The following TMEM267 variants were observed in gnomAD, a reference collection of about 807,000 sequenced individuals.
The protein encoded by TMEM267 is transmembrane protein 267.
Under a neutral mutation model 19.3 loss-of-function variants are expected in TMEM267, and 20 were observed. The observed-to-expected ratio is 1.04, with a 90% CI of 0.73 to 1.51. The LOEUF is 1.51. TMEM267 is among the 40% of genes most tolerant of loss of function. The probability of loss-of-function intolerance (pLI) is 0.00; values close to 1 mark genes in which losing one functional copy is unlikely to be tolerated. For synonymous variants in TMEM267, 88 were observed against 90.3 expected, an observed-to-expected ratio of 0.97 and a Z score of 0.15; for missense variants, 242 against 261.9, an observed-to-expected ratio of 0.92 and a Z score of 0.52.
At position 43,444,811 on chromosome 5, in the gene TMEM267, GA is replaced by G. The variant is rs1040853405; in HGVS notation, c.*1410del. The G allele has an allele frequency of 6.6e-6, 1 of 151,496 alleles. No individual in the cohort carries two copies. The highest frequency in any genetic ancestry group is 6.6e-5 in the Admixed American group (1 of 15,210). 9.4% of individuals were successfully genotyped at this position (151,496 alleles called of 1,614,324 possible). A position where few individuals can be genotyped will look rare whatever the true frequency, so the allele number is the denominator to read the frequency against. On this transcript the variant is annotated 3_prime_UTR_variant, in exon 3 of 3. Transcript: ENST00000397080. ...CCAAACTTATACAATAATTACTCTT[GA>G]AAAATAAGTAGACTGTAATATCTAA...
At chr5:43,463,880 T>C (rs1029705470) in intron 1 of TMEM267, among the ~76,000 whole-genome samples, 1 of 152,180 alleles carries the variant, frequency 6.6e-6, no homozygotes, top group Non-Finnish European at 1.5e-5. Flanking sequence ...AAGCATTCCC[T>C]TTGAAAACTG....
intron 2 of TMEM267, among the ~76,000 whole-genome samples, chr5:43,448,738 T>C (rs1742400641): frequency 6.6e-6 from 1 of 151,906 alleles, no homozygotes. Context: ...ATCATACCGT[T>C]GCACTCCAGC....
At chr5:43,469,764 G>C (rs1482044860) in intron 1 of TMEM267, among the ~76,000 whole-genome samples, 1 of 152,148 alleles carries the variant, frequency 6.6e-6, no homozygotes, top group African/African-American at 2.4e-5. Flanking sequence ...TCTCAAATAA[G>C]ATAGCTACAA....
chr5:43,446,084 C>T lies in TMEM267; in HGVS notation c.*138G>A, dbSNP rs190678138. The T allele has an allele frequency of 9.3e-4, 525 of 563,020 alleles. 10 individuals carry two copies. The Admixed American group carries it at 0.016, about 18-fold the overall frequency. 34.9% of individuals were successfully genotyped at this position (563,020 alleles called of 1,614,324 possible). A position where few individuals can be genotyped will look rare whatever the true frequency, so the allele number is the denominator to read the frequency against. ...ATTTTTAAAAAAGTTGTATACACTT[C>T]CTGAGCAAGAGGATTGCAGAATTAT... On this transcript the variant is annotated 3_prime_UTR_variant, in exon 3 of 3. Coordinates refer to ENST00000397080, the MANE Select transcript of TMEM267 (RefSeq NM_022483.5).
intron 2 of TMEM267, among the ~76,000 whole-genome samples, chr5:43,448,911 A>T (rs1187774937): frequency 3.9e-5 from 6 of 152,098 alleles, no homozygotes; most frequent in African/African-American, 1.4e-4. Context: ...AAGTACGTTA[A>T]ATCTCAAACA....
intron 1 of TMEM267, among the ~76,000 whole-genome samples, chr5:43,465,268 C>A (rs900665374): frequency 6.6e-6 from 1 of 152,194 alleles, no homozygotes; most frequent in Non-Finnish European, 1.5e-5. Flanking sequence ...TACCATCTCA[C>A]ACCAGTTAGA....
chr5:43,460,078 T>C (rs1743171997), intron 1 of TMEM267, among the ~76,000 whole-genome samples: 1 of 152,224 alleles, frequency 6.6e-6, no homozygotes, highest in Non-Finnish European at 1.5e-5. Context: ...AAGAAGCACG[T>C]GACCTAGAAC....
intron 1 of TMEM267, among the ~76,000 whole-genome samples, chr5:43,468,958 T>C (rs1005561882): frequency 1.3e-5 from 2 of 152,160 alleles, no homozygotes; most frequent in Non-Finnish European, 2.9e-5. Context: ...TAAAACAATA[T>C]TCTCCTGAAT....
intron 1 of TMEM267, among the ~76,000 whole-genome samples, chr5:43,461,482 T>G (rs1157065444): frequency 6.6e-6 from 1 of 152,114 alleles, no homozygotes; most frequent in Non-Finnish European, 1.5e-5. Flanking sequence ...CCAAGTGAGC[T>G]CTTGGGGTCC....
intron 1 of TMEM267, among the ~76,000 whole-genome samples, chr5:43,462,118 G>A (rs1467502516): frequency 2.0e-5 from 3 of 152,210 alleles, no homozygotes; most frequent in Admixed American, 2.0e-4. Flanking sequence ...GGAAAGTAAA[G>A]GAAGAGAACA....
At chr5:43,478,004 T>C (rs1020464209) in intron 1 of TMEM267, among the ~76,000 whole-genome samples, 2 of 152,228 alleles carry the variant, frequency 1.3e-5, no homozygotes, top group African/African-American at 4.8e-5. Context: ...GATGGGTTTA[T>C]CAGGACATGG....
At chr5:43,474,597 T>A (rs1297227550) in intron 1 of TMEM267, among the ~76,000 whole-genome samples, 1 of 151,884 alleles carries the variant, frequency 6.6e-6, no homozygotes, top group African/African-American at 2.4e-5. Flanking sequence ...CCATCTCTAC[T>A]AAAAATACAA....
chr5:43,446,244 T>C lies in TMEM267; in HGVS notation c.626A>G (p.His209Arg), dbSNP rs919749378. Residue 209 changes from histidine to arginine, a missense_variant, in exon 3 of 3, where the codon CAT becomes CGT. His to Arg is a conservative substitution (Grantham distance 29). Transcript: ENST00000397080. ...TGTRQMMSSK[H>R]GVRIDV ...ACCTCAGACATCAATACGAACTCCA[T>C]GTTTTGAAGACATCATTTGTCTGGT... is the stretch of plus-strand genomic sequence containing the variant. The C allele has an allele frequency of 3.7e-6, 6 of 1,611,268 alleles. No homozygotes were observed. Among genetic ancestry groups the C allele is most frequent in the Non-Finnish European group, 4.2e-6 (5 of 1,177,632 alleles).
intron 2 of TMEM267, among the ~76,000 whole-genome samples, chr5:43,447,999 T>G (rs1000004093): frequency 1.3e-5 from 2 of 151,980 alleles, no homozygotes; most frequent in African/African-American, 4.8e-5. Context: ...AAAGAAGTAG[T>G]AAAAGGAAGA....
At chr5:43,465,399 G>T (rs1579811117) in intron 1 of TMEM267, among the ~76,000 whole-genome samples, 2 of 152,244 alleles carry the variant, frequency 1.3e-5, no homozygotes, top group Non-Finnish European at 2.9e-5. Flanking sequence ...GTGGAAGTCA[G>T]TGTGGCGATT....
In TMEM267 at chr5:43,463,833, C is replaced by T. The variant is rs564139735; in HGVS notation, c.-74-9790G>A. ...AATAATCAGAGCTATCTATGACAAACGCACAGCCAATATCATACGGAATGG... is the reference window on the plus strand; with the variant it reads ...AATAATCAGAGCTATCTATGACAAATGCACAGCCAATATCATACGGAATGG... On this transcript the variant is annotated intron_variant, in intron 1 of 2. Transcript: ENST00000397080. 5.0e-4 allele frequency among the ~76,000 whole-genome samples: 76 copies of T among 152,262 alleles called. No individual in the cohort carries two copies. The East Asian group carries it at 7.1e-3, about 14-fold the overall frequency.
intron 1 of TMEM267, among the ~76,000 whole-genome samples, chr5:43,464,842 C>G (rs1743537811): frequency 6.6e-6 from 1 of 152,138 alleles, no homozygotes; most frequent in Admixed American, 6.6e-5. Context: ...AGACCAAAAA[C>G]CATAAAAACC....
Position 43,446,346 on chromosome 5 carries a change from G to A in TMEM267, c.524C>T (p.Pro175Leu), listed in dbSNP as rs1742236495. 1 of 1,613,986 alleles carries A rather than the reference G, an allele frequency of 6.2e-7. No individual in the cohort carries two copies. The highest frequency in any genetic ancestry group is 1.1e-5 in the South Asian group (1 of 91,070). The change falls in exon 3 of 3, where the codon CCT (proline) becomes CTT (leucine). Residue 175 changes from proline to leucine, a missense_variant. Pro to Leu is a moderately conservative substitution (Grantham distance 98, BLOSUM62 -3). Coordinates refer to ENST00000397080, the MANE Select transcript of TMEM267 (RefSeq NM_022483.5). ...TATTACATAAAGCCAGAATGGCAAA[G>A]GAGAAGTTTTTCCAAATGGGCATAT... ...LWICPFGKTS[P>L]LPFWLYVIIT...
intron 1 of TMEM267, among the ~76,000 whole-genome samples, chr5:43,458,576 T>C (rs1240518098): frequency 6.6e-6 from 1 of 152,226 alleles, no homozygotes; most frequent in Non-Finnish European, 1.5e-5. Flanking sequence ...CATATGTTCA[T>C]TATCTTGACT....
Sources: allele counts gnomAD v4.1 joint callset (sites outside exome capture counted in the v4.1 genomes callset), GRCh38; gene constraint gnomAD v4.1.1; transcripts MANE v1.5; gene names NCBI Gene and HGNC (gene_info 2026-07-23, HGNC 2026-07-21).